The following CNTNAP5 variants were observed in gnomAD, a reference collection of about 807,000 sequenced individuals.
CNTNAP5 encodes the protein contactin-associated protein-like 5.
A neutral mutation model predicts 150.2 loss-of-function variants in CNTNAP5; 72 were observed. The observed-to-expected ratio is 0.48, with a 90% CI of 0.40 to 0.58. The LOEUF (loss-of-function observed/expected upper bound fraction) is 0.58. Among genes scored for constraint, CNTNAP5 ranks in the 20% least tolerant of loss-of-function variants. CNTNAP5 has a pLI of 0.00. For missense variants in CNTNAP5, 1,636 were observed against 1,626.2 expected (o/e 1.01, Z -0.10); for synonymous variants, 672 against 619.8 (o/e 1.08, Z -1.25).
At chr2:124,853,232 C>T (rs1429798673) in intron 19 of CNTNAP5, among the ~76,000 whole-genome samples, 1 of 152,196 alleles carries the variant, frequency 6.6e-6, no homozygotes, top group Non-Finnish European at 1.5e-5. Flanking sequence ...GTGTCTTTCC[C>T]TTTAGATCTT....
At chr2:124,785,812 C>G (rs1681554592) in intron 17 of CNTNAP5, among the ~76,000 whole-genome samples, 1 of 152,164 alleles carries the variant, frequency 6.6e-6, no homozygotes, top group Non-Finnish European at 1.5e-5. Context: ...ATCACATTTT[C>G]AAATTTGCAT....
At chr2:124,549,222 C>T (rs1558949393) in intron 10 of CNTNAP5, among the ~76,000 whole-genome samples, 2 of 152,300 alleles carry the variant, frequency 1.3e-5, no homozygotes, top group Middle Eastern at 6.8e-3. Context: ...CTAGAGACCA[C>T]GGCAGCCACT....
intron 19 of CNTNAP5, among the ~76,000 whole-genome samples, chr2:124,862,754 G>A (rs762070006): frequency 1.3e-5 from 2 of 152,164 alleles, no homozygotes; most frequent in African/African-American, 2.4e-5. Context: ...GCCTTTCATG[G>A]GGTCAAACTT....
At chr2:124,416,529 A>G (rs1369249273) in intron 3 of CNTNAP5, among the ~76,000 whole-genome samples, 1 of 152,168 alleles carries the variant, frequency 6.6e-6, no homozygotes, top group Non-Finnish European at 1.5e-5. Context: ...AAAGAACAAG[A>G]TATAAATCTG....
chr2:124,404,800 ACTCT>A (rs779556239), intron 3 of CNTNAP5, among the ~76,000 whole-genome samples: 40 of 151,944 alleles, frequency 2.6e-4, no homozygotes, highest in Admixed American at 1.3e-4. Context: ...AGCAAATTTC[ACTCT>A]CTCTGTGACC....
intron 3 of CNTNAP5, among the ~76,000 whole-genome samples, chr2:124,321,443 CAA>C (rs5834060): frequency 9.0e-4 from 119 of 132,718 alleles, no homozygotes; most frequent in African/African-American, 2.0e-3. Context: ...AACTCTATCT[CAA>C]AAAAAAAAAA....
chr2:124,571,453 A>G (rs1183462395), intron 11 of CNTNAP5, among the ~76,000 whole-genome samples: 1 of 149,832 alleles, frequency 6.7e-6, no homozygotes, highest in Non-Finnish European at 1.5e-5. Flanking sequence ...CAGAAGAGGG[A>G]TGTTTCAGGA....
chr2:124,603,503 T>C (rs1558700548), intron 11 of CNTNAP5, among the ~76,000 whole-genome samples: 2 of 152,352 alleles, frequency 1.3e-5, no homozygotes, highest in East Asian at 3.9e-4. Flanking sequence ...TCCTTGATGA[T>C]CATTGTTTAA....
chr2:124,599,049 T>G (rs1045179767), intron 11 of CNTNAP5, among the ~76,000 whole-genome samples: 2 of 152,026 alleles, frequency 1.3e-5, no homozygotes, highest in African/African-American at 4.8e-5. Flanking sequence ...TGTCTGGCAC[T>G]CCCTAGTGAG....
intron 12 of CNTNAP5, among the ~76,000 whole-genome samples, chr2:124,611,771 C>A (rs1169794361): frequency 6.6e-6 from 1 of 152,130 alleles, no homozygotes; most frequent in Non-Finnish European, 1.5e-5. Flanking sequence ...GAGATAAATG[C>A]CCACTGCTGA....
At chr2:124,168,801 A>T (rs1242801759) in intron 1 of CNTNAP5, among the ~76,000 whole-genome samples, 1 of 152,244 alleles carries the variant, frequency 6.6e-6, no homozygotes, top group African/African-American at 2.4e-5. Context: ...ATTTATTGAA[A>T]TTTTTTTCTC....
intron 3 of CNTNAP5, among the ~76,000 whole-genome samples, chr2:124,261,542 T>C: frequency 6.6e-6 from 1 of 152,158 alleles, no homozygotes; most frequent in Middle Eastern, 3.2e-3. Flanking sequence ...CCAATACCCC[T>C]ACTCCTGCCC....
chr2:124,407,278 T>C (rs1360360860), intron 3 of CNTNAP5, among the ~76,000 whole-genome samples: 1 of 152,226 alleles, frequency 6.6e-6, no homozygotes, highest in Non-Finnish European at 1.5e-5. Context: ...CTTCTACTTT[T>C]GTATTAGCAT....
At chr2:124,135,322 GCAAT>G (rs1683951376) in intron 1 of CNTNAP5, 1 of 152,230 alleles carries the variant, frequency 6.6e-6, no homozygotes, top group Admixed American at 6.5e-5. Context: ...ACATGACATT[GCAAT>G]CAGTTTTCCA....
intron 3 of CNTNAP5, among the ~76,000 whole-genome samples, chr2:124,349,916 AC>A (rs1459177821): frequency 3.5e-5 from 4 of 113,294 alleles, no homozygotes; most frequent in African/African-American, 1.4e-4. Flanking sequence ...ACAGAGTCTA[AC>A]TATGTCGCCC....
chr2:124,503,984 A>T (rs1039615560), intron 7 of CNTNAP5, among the ~76,000 whole-genome samples: 2 of 152,132 alleles, frequency 1.3e-5, no homozygotes, highest in African/African-American at 4.8e-5. Flanking sequence ...TGCCATAGGT[A>T]TTTATATAAT....
At chr2:124,038,311 G>C (rs1250163986) in intron 1 of CNTNAP5, among the ~76,000 whole-genome samples, 1 of 152,114 alleles carries the variant, frequency 6.6e-6, no homozygotes, top group Non-Finnish European at 1.5e-5. Flanking sequence ...GAGAACTTAG[G>C]CCTGCTGCTT....
At chr2:124,396,039 T>G (rs1416081539) in intron 3 of CNTNAP5, among the ~76,000 whole-genome samples, 2 of 152,188 alleles carry the variant, frequency 1.3e-5, no homozygotes, top group Non-Finnish European at 2.9e-5. Context: ...GTCTGGCCAA[T>G]GACATTGAGC....
intron 14 of CNTNAP5, among the ~76,000 whole-genome samples, chr2:124,749,403 T>TTTCC (rs1480559794): frequency 1.4e-5 from 2 of 144,856 alleles, no homozygotes; most frequent in African/African-American, 2.6e-5. Flanking sequence ...TCCTTCCTTC[T>TTTCC]TTCCTTCCTT....
Sources: gnomAD v4.1 joint callset for allele counts (sites outside exome capture counted in the v4.1 genomes callset) on GRCh38, gnomAD v4.1.1 for gene constraint, MANE v1.5 for transcripts, NCBI Gene and HGNC (gene_info 2026-07-23, HGNC 2026-07-21) for gene names.